Variants in FAM184B observed in about 807,000 individuals in gnomAD.
FAM184B encodes family with sequence similarity 184 member B.
FAM184B carries 111 observed loss-of-function variants against 135.9 expected under a neutral mutation model. The ratio of observed to expected loss-of-function variants is 0.82; its 90% CI spans 0.70 to 0.96. The LOEUF (loss-of-function observed/expected upper bound fraction) is 0.96, where lower values mean the gene tolerates loss of function less well. Among genes scored for constraint, FAM184B ranks in the 40% least tolerant of loss-of-function variants. The probability of loss-of-function intolerance (pLI) is 0.00; values close to 1 mark genes in which losing one functional copy is unlikely to be tolerated. For missense variants in FAM184B, 1,375 were observed against 1,323.9 expected, an observed-to-expected ratio of 1.04 and a Z score of -0.60; for synonymous variants, 552 against 524.8, an observed-to-expected ratio of 1.05 and a Z score of -0.71.
chr4:17,659,027 T>C (rs1025400028), intron 9 of FAM184B, among the ~76,000 whole-genome samples: 8 of 152,164 alleles, frequency 5.3e-5, no homozygotes, highest in Non-Finnish European at 1.0e-4. Flanking sequence ...ACTACGTGAT[T>C]TACTGACTTC....
rs1176028106 is a variant in FAM184B at position 17,646,481 on chromosome 4, CA to C, written c.2346+1155del. The stretch of plus-strand genomic sequence containing the variant: ...CATTCTCAGCAAAATATCAGAAGGA[CA>C]AAAAACCAAACACCACATGTTCTCA... On this transcript the variant is annotated intron_variant, in intron 12 of 17. Coordinates refer to ENST00000265018, the MANE Select transcript of FAM184B (RefSeq NM_015688.2). Among the ~76,000 whole-genome samples the C allele has an allele frequency of 1.3e-5, 2 of 151,340 alleles. 1 individual carries two copies. The highest frequency in any genetic ancestry group is 4.2e-4 in the South Asian group (2 of 4,802).
rs1715828617 is a variant in FAM184B, at chr4:17,658,388, G to A, written c.1999C>T (p.Leu667=). ...TGTCTGGCCTTCTCCAGCATGCGCA[G>A]GGCTCTCTGGTGGGAAGCCTCGAGC... ...AQLEASHQRA[L]RMLEKARHQE... is the part of the protein sequence containing the mutation. Residue 667 remains leucine (L), a synonymous_variant, in exon 10 of 18, where the codon CTG becomes TTG. Transcript: ENST00000265018. 1 of 1,551,574 alleles carries A rather than the reference G, an allele frequency of 6.4e-7. No homozygotes were observed. Among genetic ancestry groups the A allele is most frequent in the Non-Finnish European group, 8.7e-7 (1 of 1,147,008 alleles).
At chr4:17,734,234 G>A (rs1717854986) in intron 1 of FAM184B, among the ~76,000 whole-genome samples, 1 of 152,146 alleles carries the variant, frequency 6.6e-6, no homozygotes, top group Non-Finnish European at 1.5e-5. Context: ...AACCCTAGAA[G>A]AAAACCTAGG....
chr4:17,759,618 G>T (rs1210939496), intron 1 of FAM184B, among the ~76,000 whole-genome samples: 1 of 151,764 alleles, frequency 6.6e-6, no homozygotes, highest in African/African-American at 2.4e-5. Flanking sequence ...TCAGCCTCCC[G>T]AGTAGCTGAG....
At chr4:17,770,556 C>T (rs367688072) in intron 1 of FAM184B, among the ~76,000 whole-genome samples, 5 of 152,080 alleles carry the variant, frequency 3.3e-5, no homozygotes, top group East Asian at 3.9e-4. Flanking sequence ...CTCCGCCTCC[C>T]GGGTTCAAGT....
intron 1 of FAM184B, among the ~76,000 whole-genome samples, chr4:17,778,635 GA>G (rs1407117810): frequency 8.5e-5 from 13 of 152,370 alleles, no homozygotes; most frequent in Middle Eastern, 3.4e-3. Flanking sequence ...AGGATTGCTT[GA>G]AGCCAGGAGT....
Position 17,633,676 on chromosome 4 carries a change from A to C in FAM184B, c.3089+13T>G. On this transcript the variant is annotated intron_variant, in intron 17 of 17. Transcript: ENST00000265018. ...AATAGAATAAGGGCCCCTGTCCCCAACATCCCCCAAACCTTGTGGCAGTTT... is the reference window on the plus strand; with the variant it reads ...AATAGAATAAGGGCCCCTGTCCCCACCATCCCCCAAACCTTGTGGCAGTTT... 6.7e-7 allele frequency: 1 copy of C among 1,500,588 alleles called. No homozygotes were observed. The highest frequency in any genetic ancestry group is 8.9e-7 in the Non-Finnish European group (1 of 1,119,898). 93.0% of individuals were successfully genotyped at this position (1,500,588 alleles called of 1,614,324 possible).
intron 1 of FAM184B, among the ~76,000 whole-genome samples, chr4:17,767,245 G>C (rs187039722): frequency 1.3e-5 from 2 of 152,222 alleles, no homozygotes; most frequent in African/African-American, 4.8e-5. Context: ...AGCCCAGAGA[G>C]GGGCTCCTGC....
At chr4:17,652,786 C>G (rs906101687) in intron 11 of FAM184B, 44 bp downstream of exon 11, 4 of 1,526,888 alleles carry the variant, frequency 2.6e-6, no homozygotes, top group Non-Finnish European at 2.7e-6. Flanking sequence ...CATGCAGACC[C>G]TGCAGTTGGC....
chr4:17,633,926 C>G, intron 16 of FAM184B, 38 bp from the exon 17 acceptor site: 1 of 1,305,378 alleles, frequency 7.7e-7, no homozygotes, highest in Non-Finnish European at 9.9e-7. Flanking sequence ...CAATGCAATG[C>G]AAAAAACAAA....
intron 10 of FAM184B, among the ~76,000 whole-genome samples, chr4:17,657,455 G>A (rs1000913464): frequency 6.6e-6 from 1 of 152,086 alleles, no homozygotes; most frequent in Non-Finnish European, 1.5e-5. Flanking sequence ...TTGCTCCCTT[G>A]TTTTTGTGGG....
intron 11 of FAM184B, among the ~76,000 whole-genome samples, chr4:17,648,987 TA>T (rs1715538038): frequency 6.6e-6 from 1 of 152,238 alleles, no homozygotes; most frequent in South Asian, 2.1e-4. Flanking sequence ...AGATACTTTT[TA>T]AGTGCTTGTA....
chr4:17,723,636 A>G (rs1717580366), intron 1 of FAM184B, among the ~76,000 whole-genome samples: 1 of 152,150 alleles, frequency 6.6e-6, no homozygotes, highest in Non-Finnish European at 1.5e-5. Context: ...TATACAGTCC[A>G]TGACAGTCTG....
rs118057506 is a variant in FAM184B at position 17,763,114 on chromosome 4, C to T, written c.141+18045G>A. Among the ~76,000 whole-genome samples the T allele has an allele frequency of 4.7e-4, 72 of 152,276 alleles. No individual in the cohort carries two copies. The East Asian group carries it at 0.013, about 27-fold the overall frequency. ...CCATTTTGTTCAGTGCTAGTTCTTT[C>T]TTTGCCTGTCAACCCCAGCCAGCAA... On this transcript the variant is annotated intron_variant, in intron 1 of 17. Coordinates refer to ENST00000265018, the MANE Select transcript of FAM184B (RefSeq NM_015688.2).
At chr4:17,680,288 ATC>A (rs1182265547) in intron 7 of FAM184B, among the ~76,000 whole-genome samples, 6 of 152,192 alleles carry the variant, frequency 3.9e-5, no homozygotes, top group African/African-American at 1.4e-4. Flanking sequence ...TTTTTCACAG[ATC>A]TTTTTCAGTT....
In FAM184B at chr4:17,720,545, TGTAAAATG is replaced by T. The variant is rs766320176; in HGVS notation, c.142-10909_142-10902del. Among the ~76,000 whole-genome samples the T allele has an allele frequency of 9.0e-4, 137 of 152,184 alleles. No homozygotes were observed. The Middle Eastern group carries it at 0.014, about 15-fold the overall frequency. On this transcript the variant is annotated intron_variant, in intron 1 of 17. Transcript: ENST00000265018. ...AGCCCCTGTACATTGCTGGTGGGAA[TGTAAAATG>T]GTGTAGCCACTGTGGAAAACAGTAT...
chr4:17,664,037 C>T (rs1309076588), intron 8 of FAM184B, among the ~76,000 whole-genome samples: 1 of 152,166 alleles, frequency 6.6e-6, no homozygotes, highest in Non-Finnish European at 1.5e-5. Flanking sequence ...TTATAAATTA[C>T]CCAGTCTTGG....
In FAM184B at chr4:17,772,979, C is replaced by T. The variant is rs538862860; in HGVS notation, c.141+8180G>A. Reference sequence around the variant, plus strand: ...ACCTCACTAATTAACTATATATTCCCCTTTGCAGTGGAAAAAATAGTAAAA... The same window carrying T: ...ACCTCACTAATTAACTATATATTCCTCTTTGCAGTGGAAAAAATAGTAAAA... On this transcript the variant is annotated intron_variant, in intron 1 of 17. Transcript: ENST00000265018. Among the ~76,000 whole-genome samples the T allele has an allele frequency of 3.9e-5, 6 of 152,256 alleles. No individual in the cohort carries two copies. In the South Asian group the frequency reaches 8.3e-4, roughly 21 times the overall value.
At chr4:17,751,369 C>T (rs1333312578) in intron 1 of FAM184B, among the ~76,000 whole-genome samples, 1 of 150,064 alleles carries the variant, frequency 6.7e-6, no homozygotes, top group Admixed American at 6.6e-5. Context: ...TTAGTAGATG[C>T]TGTCAATGTT....
Sources: allele counts gnomAD v4.1 joint callset (sites outside exome capture counted in the v4.1 genomes callset), GRCh38; gene constraint gnomAD v4.1.1; transcripts MANE v1.5; gene names NCBI Gene and HGNC (gene_info 2026-07-23, HGNC 2026-07-21).